The following DPP10 variants were observed in gnomAD, a reference collection of about 807,000 sequenced individuals.
The protein encoded by DPP10 is inactive dipeptidyl peptidase 10.
Under a neutral mutation model 120.9 loss-of-function variants are expected in DPP10, and 33 were observed. That is an observed-to-expected ratio of 0.27 (90% CI 0.21 to 0.37). DPP10 has a LOEUF of 0.37. Ranked by LOEUF, DPP10 falls within the 10% of genes least tolerant of loss-of-function variation. DPP10 has a pLI of 1.00. For missense variants in DPP10, 816 were observed against 942.8 expected, an observed-to-expected ratio of 0.87 and a Z score of 1.76; for synonymous variants, 337 against 326.1, an observed-to-expected ratio of 1.03 and a Z score of -0.36.
rs188851251 is a variant in DPP10 at position 115,482,514 on chromosome 2, C to T, written c.272-16996C>T. 1.0e-3 allele frequency among the ~76,000 whole-genome samples: 156 copies of T among 152,086 alleles called. 1 individual carries two copies. Among genetic ancestry groups the T allele is most frequent in the African/African-American group, 3.7e-3 (152 of 41,534 alleles). ...GAGTTCATCATCTCCAAAGGGAAATCTAGTACACAGTCATTTCTGATTTTC... is the reference window on the plus strand; with the variant it reads ...GAGTTCATCATCTCCAAAGGGAAATTTAGTACACAGTCATTTCTGATTTTC... On this transcript the variant is annotated intron_variant, in intron 3 of 25. Coordinates refer to ENST00000410059, the MANE Select transcript of DPP10 (RefSeq NM_020868.6).
intron 1 of DPP10, among the ~76,000 whole-genome samples, chr2:114,563,857 C>T (rs775664660): frequency 5.3e-5 from 8 of 152,176 alleles, no homozygotes; most frequent in African/African-American, 4.8e-5. Flanking sequence ...TCACCTTTCC[C>T]GGTGTCCAAC....
chr2:115,609,348 A>G (rs561026041), intron 5 of DPP10, among the ~76,000 whole-genome samples: 1 of 152,262 alleles, frequency 6.6e-6, no homozygotes, highest in African/African-American at 2.4e-5. Context: ...GGGAAAAAAA[A>G]GGATGAAAAT....
At chr2:115,522,910 G>T (rs1325563600) in intron 4 of DPP10, among the ~76,000 whole-genome samples, 1 of 152,114 alleles carries the variant, frequency 6.6e-6, no homozygotes, top group East Asian at 1.9e-4. Flanking sequence ...TAGAATCAGT[G>T]TTGACCAAGA....
At chr2:114,985,589 A>G (rs1700345711) in intron 1 of DPP10, among the ~76,000 whole-genome samples, 1 of 152,218 alleles carries the variant, frequency 6.6e-6, no homozygotes, top group Non-Finnish European at 1.5e-5. Context: ...ATGGTGAATC[A>G]GTGTCCACAA....
chr2:115,800,774 G>C (rs961907143), intron 19 of DPP10, among the ~76,000 whole-genome samples: 2 of 152,096 alleles, frequency 1.3e-5, no homozygotes, highest in African/African-American at 4.8e-5. Flanking sequence ...CTGAGGCTCT[G>C]TTCTGTTCCA....
chr2:115,682,909 C>A (rs1286558124), intron 5 of DPP10, among the ~76,000 whole-genome samples: 1 of 151,912 alleles, frequency 6.6e-6, no homozygotes, highest in Non-Finnish European at 1.5e-5. Context: ...GTATCTAATT[C>A]TTTTCCACTG....
chr2:115,607,225 A>G (rs1423478589), intron 5 of DPP10, among the ~76,000 whole-genome samples: 1 of 152,226 alleles, frequency 6.6e-6, no homozygotes. Context: ...TGGCAAAGGC[A>G]TAACTATGAG....
In DPP10 at chr2:115,467,060, C is replaced by G. The variant is rs375460529; in HGVS notation, c.272-32450C>G. On this transcript the variant is annotated intron_variant, in intron 3 of 25. Transcript: ENST00000410059. The stretch of plus-strand genomic sequence containing the variant: ...GAAAGAATGTAGCACTCTCTTTTAC[C>G]TTGTTATAAAAGGTTAAATTTTCCC... 9.2e-5 allele frequency among the ~76,000 whole-genome samples: 14 copies of G among 152,152 alleles called. No individual in the cohort carries two copies. In the East Asian group the frequency reaches 2.5e-3, roughly 27 times the overall value.
chr2:115,707,064 G>T (rs962134903), intron 7 of DPP10, among the ~76,000 whole-genome samples: 5 of 151,874 alleles, frequency 3.3e-5, no homozygotes, highest in African/African-American at 1.2e-4. Context: ...AGAGTAAAAA[G>T]AAATCCACAG....
intron 1 of DPP10, among the ~76,000 whole-genome samples, chr2:114,933,589 T>TTGA (rs768914141): frequency 1.2e-4 from 18 of 152,258 alleles, no homozygotes; most frequent in Middle Eastern, 3.4e-3. Flanking sequence ...ACTATTGCAG[T>TTGA]TGATTGACTA....
At chr2:115,035,800 A>G (rs1487971626) in intron 1 of DPP10, among the ~76,000 whole-genome samples, 1 of 152,236 alleles carries the variant, frequency 6.6e-6, no homozygotes, top group African/African-American at 2.4e-5. Context: ...CAATTAGAAT[A>G]TAACAGGTAT....
At chr2:114,654,412 A>G (rs1696822923) in intron 1 of DPP10, among the ~76,000 whole-genome samples, 1 of 152,208 alleles carries the variant, frequency 6.6e-6, no homozygotes, top group Non-Finnish European at 1.5e-5. Flanking sequence ...AAAGAAGAAA[A>G]AAGCAGAGTG....
At position 115,109,562 on chromosome 2, in the gene DPP10, T is replaced by G. The variant is rs371263355; in HGVS notation, c.61-199677T>G. 1.3e-4 allele frequency among the ~76,000 whole-genome samples: 20 copies of G among 152,148 alleles called. No homozygotes were observed. In the South Asian group the frequency reaches 4.2e-3, roughly 32 times the overall value. ...AAAAAAAAGAAAAAAAAATTCAACGTTGTCAATAAATATCTGATGGTGACG... is the reference window on the plus strand; with the variant it reads ...AAAAAAAAGAAAAAAAAATTCAACGGTGTCAATAAATATCTGATGGTGACG... On this transcript the variant is annotated intron_variant, in intron 1 of 25. Coordinates refer to ENST00000410059, the MANE Select transcript of DPP10 (RefSeq NM_020868.6).
intron 1 of DPP10, among the ~76,000 whole-genome samples, chr2:114,497,104 T>C (rs546477163): frequency 4.0e-5 from 6 of 150,136 alleles, no homozygotes; most frequent in Admixed American, 4.0e-4. Context: ...CATGTGTACA[T>C]GTACGTATAC....
At chr2:115,065,984 A>G (rs1409906758) in intron 1 of DPP10, among the ~76,000 whole-genome samples, 7 of 152,214 alleles carry the variant, frequency 4.6e-5, no homozygotes, top group Non-Finnish European at 1.0e-4. Flanking sequence ...TAGTGAACCC[A>G]GTTTCTAAAT....
At chr2:115,369,650 G>T (rs555990892) in intron 3 of DPP10, among the ~76,000 whole-genome samples, 1 of 152,198 alleles carries the variant, frequency 6.6e-6, no homozygotes, top group South Asian at 2.1e-4. Context: ...ACTTTCTGTG[G>T]TGGAGGCTTT....
intron 1 of DPP10, among the ~76,000 whole-genome samples, chr2:115,132,280 G>A (rs2104794059): frequency 1.3e-5 from 2 of 152,142 alleles, no homozygotes; most frequent in Middle Eastern, 3.4e-3. Flanking sequence ...TCCTTACAGA[G>A]AATAGATGGT....
At chr2:115,654,419 A>G (rs1189081348) in intron 5 of DPP10, among the ~76,000 whole-genome samples, 3 of 151,908 alleles carry the variant, frequency 2.0e-5, no homozygotes, top group Non-Finnish European at 4.4e-5. Flanking sequence ...ATTGAATAAA[A>G]CTAAGCACAT....
intron 1 of DPP10, among the ~76,000 whole-genome samples, chr2:115,113,449 A>T (rs373669353): frequency 6.6e-6 from 1 of 152,108 alleles, no homozygotes. Context: ...TTTTTTGCCC[A>T]TAAGAATCCT....
Sources: allele counts gnomAD v4.1 joint callset (sites outside exome capture counted in the v4.1 genomes callset), GRCh38; gene constraint gnomAD v4.1.1; transcripts MANE v1.5; gene names NCBI Gene and HGNC (gene_info 2026-07-23, HGNC 2026-07-21).